Variants in TANK observed in about 807,000 individuals in gnomAD.
TANK encodes the protein TRAF family member-associated NF-kappa-B activator.
In TANK, 15 loss-of-function variants were observed where a neutral mutation model predicts 43.6. That is an observed-to-expected ratio of 0.34 (90% confidence interval 0.23 to 0.53). The LOEUF is 0.53. Among genes scored for constraint, TANK ranks in the 20% least tolerant of loss-of-function variants. TANK has a pLI of 0.94. For synonymous variants in TANK, 162 were observed against 178.2 expected (o/e 0.91, Z 0.73); for missense variants, 417 against 498.6 (o/e 0.84, Z 1.56).
chr2:161,211,721 A>T (rs560787117), intron 4 of TANK: 5 of 976,818 alleles, frequency 5.1e-6, no homozygotes, highest in Middle Eastern at 1.0e-3. Flanking sequence ...AATCTTTTCT[A>T]TCTTTTATCA....
intron 1 of TANK, among the ~76,000 whole-genome samples, chr2:161,145,559 G>A (rs1008088495): frequency 6.6e-6 from 1 of 151,804 alleles, no homozygotes; most frequent in South Asian, 2.1e-4. Context: ...GCATTTGGTT[G>A]TCTGGAAAGG....
chr2:161,158,598 C>A (rs554561161), upstream of TANK, among the ~76,000 whole-genome samples: 1 of 152,184 alleles, frequency 6.6e-6, no homozygotes, highest in African/African-American at 2.4e-5. Flanking sequence ...TTCAAAATGC[C>A]TATGCATTCA....
At chr2:161,223,767 T>C (rs1442178479) in intron 4 of TANK, 148 bp from the exon 5 acceptor site, 2 of 432,094 alleles carry the variant, frequency 4.6e-6, no homozygotes, top group Non-Finnish European at 8.5e-6. Context: ...AAATCAATTG[T>C]ATATTACATA....
intron 2 of TANK, among the ~76,000 whole-genome samples, chr2:161,183,263 T>C (rs892847344): frequency 3.9e-5 from 6 of 152,306 alleles, no homozygotes; most frequent in African/African-American, 1.4e-4. Context: ...ACTTATGGAC[T>C]GTAAGTCTTC....
intron 6 of TANK, among the ~76,000 whole-genome samples, chr2:161,229,629 T>C (rs1023257556): frequency 6.6e-6 from 1 of 152,112 alleles, no homozygotes; most frequent in African/African-American, 2.4e-5. Flanking sequence ...AAAAATATAT[T>C]GGAATGTGCT....
chr2:161,230,951 T>C lies in TANK; in HGVS notation c.521-20T>C, dbSNP rs771433443. The C allele has an allele frequency of 6.3e-7, 1 of 1,585,782 alleles. No homozygotes were observed. The highest frequency in any genetic ancestry group is 2.2e-5 in the East Asian group (1 of 44,670). On this transcript the variant is annotated intron_variant, in intron 6 of 7. Transcript: ENST00000392749. ...TGATTTGAATGCGGCTGTTTCTCTT[T>C]TGTGTTCTTCTCCCTCCAGAAACAC...
chr2:161,211,674 C>T, intron 4 of TANK: 1 of 741,144 alleles, frequency 1.3e-6, no homozygotes, highest in Non-Finnish European at 1.6e-6. Context: ...TGTTACTCAA[C>T]TTTTTAAAAA....
intron 2 of TANK, among the ~76,000 whole-genome samples, chr2:161,196,296 C>T (rs1686145537): frequency 6.6e-6 from 1 of 152,076 alleles, no homozygotes; most frequent in South Asian, 2.1e-4. Context: ...TTTGAATATT[C>T]TAAGTGCTTC....
intron 2 of TANK, among the ~76,000 whole-genome samples, chr2:161,185,381 A>G (rs933369925): frequency 6.6e-6 from 1 of 152,040 alleles, no homozygotes; most frequent in East Asian, 1.9e-4. Context: ...TAGGCTGAGG[A>G]GAATTAGGGA....
intron 4 of TANK, 103 bp from the exon 5 acceptor site, chr2:161,223,812 A>T: frequency 1.5e-6 from 1 of 681,988 alleles, no homozygotes; most frequent in Non-Finnish European, 2.5e-6. Context: ...ATTTTTCAGT[A>T]GGGAAGGTAA....
chr2:161,214,790 G>C (rs745310238), intron 4 of TANK, among the ~76,000 whole-genome samples: 1 of 152,046 alleles, frequency 6.6e-6, no homozygotes, highest in Non-Finnish European at 1.5e-5. Context: ...ACAGAAAAGT[G>C]AATCAGAGAA....
At chr2:161,155,927 C>A (rs1330489458), upstream of TANK, 15 of 491,916 alleles carry the variant, frequency 3.0e-5, no homozygotes, top group African/African-American at 4.2e-5. Context: ...ATTCTTAGCA[C>A]ATAGCAAATA....
chr2:161,205,296 G>A (rs1179217599), intron 4 of TANK, among the ~76,000 whole-genome samples: 1 of 152,090 alleles, frequency 6.6e-6, no homozygotes, highest in East Asian at 1.9e-4. Context: ...TCCAGTTTGG[G>A]TAACAGAGTG....
intron 4 of TANK, among the ~76,000 whole-genome samples, chr2:161,217,018 C>A (rs115405343): frequency 6.6e-6 from 1 of 152,196 alleles, no homozygotes; most frequent in Non-Finnish European, 1.5e-5. Flanking sequence ...TCTGTGTGAA[C>A]ATAAATTTTG....
chr2:161,203,814 TA>T (rs990656304), intron 3 of TANK, among the ~76,000 whole-genome samples: 1 of 152,178 alleles, frequency 6.6e-6, no homozygotes, highest in Non-Finnish European at 1.5e-5. Flanking sequence ...TCTAAGTTTA[TA>T]AAACTTCCTA....
At chr2:161,153,629 A>G (rs1684138804) in intron 1 of TANK, among the ~76,000 whole-genome samples, 1 of 149,726 alleles carries the variant, frequency 6.7e-6, no homozygotes, top group Non-Finnish European at 1.5e-5. Context: ...TCAAGGCTGC[A>G]ATGAGCCAAG....
At chr2:161,221,562 A>G (rs1687343455) in intron 4 of TANK, among the ~76,000 whole-genome samples, 1 of 152,160 alleles carries the variant, frequency 6.6e-6, no homozygotes, top group African/African-American at 2.4e-5. Flanking sequence ...GATTGTTTTC[A>G]GAAAGTTGTA....
At chr2:161,213,868 C>T (rs189924862) in intron 4 of TANK, among the ~76,000 whole-genome samples, 29 of 151,996 alleles carry the variant, frequency 1.9e-4, no homozygotes, top group Non-Finnish European at 3.5e-4. Context: ...AATCTGAAAG[C>T]GTATCAATGA....
rs553279790 is a variant in TANK, at chr2:161,142,638, G to A, written c.-50+5575G>A. ...TCAAAGATCAGATGGTTGTAGATGT[G>A]TGGTGTTATTTCTGAGGTCTCTGTT... On this transcript the variant is annotated intron_variant, in intron 1 of 7. Coordinates refer to the TANK transcript ENST00000259075. Among the ~76,000 whole-genome samples the A allele has an allele frequency of 7.2e-5, 11 of 152,246 alleles. No individual in the cohort carries two copies. The South Asian group carries it at 2.3e-3, about 32-fold the overall frequency.
Sources: allele counts gnomAD v4.1 joint callset (sites outside exome capture counted in the v4.1 genomes callset), GRCh38; gene constraint gnomAD v4.1.1; transcripts MANE v1.5; gene names NCBI Gene and HGNC (gene_info 2026-07-23, HGNC 2026-07-21).